Variants in C1QTNF3 observed in about 807,000 individuals in gnomAD.
C1QTNF3 encodes the protein complement C1q tumor necrosis factor-related protein 3.
C1QTNF3 carries 26 observed loss-of-function variants against 32.6 expected under a neutral mutation model. The ratio of observed to expected loss-of-function variants is 0.80; its 90% CI spans 0.58 to 1.11. The LOEUF (loss-of-function observed/expected upper bound fraction) is 1.11. C1QTNF3 is among the 50% of genes least tolerant of loss of function. The probability of loss-of-function intolerance (pLI) is 0.00; values close to 1 mark genes in which losing one functional copy is unlikely to be tolerated. For missense variants in C1QTNF3, 362 were observed against 398.2 expected (o/e 0.91, Z 0.77); for synonymous variants, 155 against 146.0 (o/e 1.06, Z -0.44).
the C1QTNF3 span, among the ~76,000 whole-genome samples, chr5:34,131,587 G>A: frequency 6.6e-6 from 1 of 152,210 alleles, no homozygotes; most frequent in Admixed American, 6.5e-5. Flanking sequence ...GTTGATCTCA[G>A]AGGAGGAAAA....
rs1283721882 is a variant in C1QTNF3, at chr5:34,019,061, G to C, written c.*1522C>G. On this transcript the variant is annotated 3_prime_UTR_variant, in exon 6 of 6. Transcript: ENST00000382065. ...GAGAGTCACTTGAACCCAGGAGGCG[G>C]AGGCTGCGGTGAGCTGAGATCATGC... is the stretch of plus-strand genomic sequence containing the variant. 6.6e-6 allele frequency among the ~76,000 whole-genome samples: 1 copy of C among 151,966 alleles called. No individual in the cohort carries two copies. The highest frequency in any genetic ancestry group is 1.5e-5 in the Non-Finnish European group (1 of 68,014).
chr5:34,158,499 ATTAGTG>A, the C1QTNF3 span: 1 of 152,186 alleles, frequency 6.6e-6, no homozygotes, highest in African/African-American at 2.4e-5. Context: ...CCTATATGGA[ATTAGTG>A]TCTATATTTC....
chr5:34,225,621 C>G, the C1QTNF3 span, among the ~76,000 whole-genome samples: 1 of 152,020 alleles, frequency 6.6e-6, no homozygotes, highest in Admixed American at 6.6e-5. Context: ...TTTCCTTGAT[C>G]CATTTCACCT....
chr5:34,203,954 A>T, the C1QTNF3 span, among the ~76,000 whole-genome samples: 2 of 152,138 alleles, frequency 1.3e-5, no homozygotes, highest in Non-Finnish European at 2.9e-5. Flanking sequence ...TAAAGGGATC[A>T]ATTCAGCAAG....
the C1QTNF3 span, among the ~76,000 whole-genome samples, chr5:34,174,401 A>C: frequency 6.6e-6 from 1 of 152,048 alleles, no homozygotes; most frequent in South Asian, 2.1e-4. Flanking sequence ...CTCTCCACAA[A>C]ACTGCCATCA....
the C1QTNF3 span, among the ~76,000 whole-genome samples, chr5:34,135,681 AAAAC>A: frequency 3.3e-5 from 5 of 149,502 alleles, no homozygotes; most frequent in South Asian, 2.2e-4. Context: ...AAAACAAAAC[AAAAC>A]AAACAAACAA....
chr5:34,164,065 A>C, the C1QTNF3 span, among the ~76,000 whole-genome samples: 1 of 152,174 alleles, frequency 6.6e-6, no homozygotes, highest in African/African-American at 2.4e-5. Flanking sequence ...AGGGAAGTTA[A>C]GCTTGAATAT....
the C1QTNF3 span, among the ~76,000 whole-genome samples, chr5:34,241,951 GGGAA>G: frequency 0.096 from 8,674 of 90,012 alleles, 553 homozygotes; most frequent in African/African-American, 0.17. Context: ...AAGGGAGGGA[GGGAA>G]GGAAGGAAGG....
the C1QTNF3 span, among the ~76,000 whole-genome samples, chr5:34,107,852 C>T: frequency 6.6e-6 from 1 of 152,044 alleles, no homozygotes. Context: ...CATTTCCCAC[C>T]AGCACAAAAT....
the C1QTNF3 span, among the ~76,000 whole-genome samples, chr5:34,183,856 G>C: frequency 2.0e-5 from 3 of 152,270 alleles, no homozygotes; most frequent in African/African-American, 7.2e-5. Flanking sequence ...CTGGGAAATA[G>C]AGAAAGTACA....
chr5:34,184,583 G>A, the C1QTNF3 span, among the ~76,000 whole-genome samples: 1 of 152,408 alleles, frequency 6.6e-6, no homozygotes, highest in African/African-American at 2.4e-5. Flanking sequence ...GCGTGGTGGC[G>A]GGCGCCTGTA....
At chr5:34,192,839 A>C in the C1QTNF3 span, 1 of 669,922 alleles carries the variant, frequency 1.5e-6, no homozygotes, top group African/African-American at 1.9e-5. Flanking sequence ...GCAGTGGATG[A>C]AGGCCCCTCA....
the C1QTNF3 span, among the ~76,000 whole-genome samples, chr5:34,212,622 G>C: frequency 6.6e-6 from 1 of 151,700 alleles, no homozygotes; most frequent in Non-Finnish European, 1.5e-5. Flanking sequence ...CTCAAAAGAA[G>C]ACATTTATGC....
the C1QTNF3 span, among the ~76,000 whole-genome samples, chr5:34,066,033 G>A: frequency 6.6e-6 from 1 of 152,166 alleles, no homozygotes; most frequent in Non-Finnish European, 1.5e-5. Flanking sequence ...AAAGTTGTAT[G>A]TATGCTCTTT....
At chr5:34,050,105 C>T in the C1QTNF3 span, among the ~76,000 whole-genome samples, 1 of 152,196 alleles carries the variant, frequency 6.6e-6, no homozygotes, top group Non-Finnish European at 1.5e-5. Context: ...TGGAAGATAA[C>T]TTTCTCATTC....
At chr5:34,065,733 C>T in the C1QTNF3 span, among the ~76,000 whole-genome samples, 5 of 152,150 alleles carry the variant, frequency 3.3e-5, no homozygotes, top group African/African-American at 7.2e-5. Flanking sequence ...ACTTATACAC[C>T]GTCGTTGGGA....
chr5:34,166,353 G>C, the C1QTNF3 span: 2 of 151,930 alleles, frequency 1.3e-5, no homozygotes, highest in South Asian at 4.1e-4. Context: ...GATGCTGTGG[G>C]ATGTACCGAA....
At chr5:34,142,157 C>T in the C1QTNF3 span, among the ~76,000 whole-genome samples, 7 of 152,202 alleles carry the variant, frequency 4.6e-5, no homozygotes, top group East Asian at 3.8e-4. Context: ...GGCAGCTGGG[C>T]GCACTGGCTC....
chr5:34,071,126 G>A, the C1QTNF3 span, among the ~76,000 whole-genome samples: 1 of 152,080 alleles, frequency 6.6e-6, no homozygotes, highest in African/African-American at 2.4e-5. Context: ...GACACTAATT[G>A]CCGGTAAACC....
Sources: gnomAD v4.1 joint callset for allele counts (sites outside exome capture counted in the v4.1 genomes callset) on GRCh38, gnomAD v4.1.1 for gene constraint, MANE v1.5 for transcripts, NCBI Gene and HGNC (gene_info 2026-07-23, HGNC 2026-07-21) for gene names.